The following BAZ1B variants were observed in gnomAD, a reference collection of about 807,000 sequenced individuals.
The protein encoded by BAZ1B is bromodomain adjacent to zinc finger domain 1B.
A neutral mutation model predicts 153.8 loss-of-function variants in BAZ1B; 22 were observed. The ratio of observed to expected loss-of-function variants is 0.14; its 90% confidence interval spans 0.10 to 0.20. The LOEUF is 0.20. Ranked by LOEUF, BAZ1B falls within the 10% of genes least tolerant of loss-of-function variation. The pLI is 1.00. For synonymous variants in BAZ1B, 676 were observed against 633.4 expected (o/e 1.07, Z -1.01); for missense variants, 1,325 against 1,799.3 (o/e 0.74, Z 4.77).
chr7:73,450,935 C>T lies in BAZ1B; in HGVS notation c.3492G>A (p.Arg1164=), dbSNP rs558448410. The change falls in exon 14 of 20, where the codon AGG becomes AGA. Residue 1164 remains arginine, a synonymous_variant. Coordinates refer to ENST00000339594, the MANE Select transcript of BAZ1B (RefSeq NM_032408.4). This position sits in a 1 kb window ranked among gnomAD's most constrained non-coding sequence, Gnocchi z 4.1. The stretch of plus-strand genomic sequence containing the variant: ...CAAGCATCCCAAGCAGCACGTGCAT[C>T]CTGGAGAAAGTCTGAGCTTCCCGGA... The part of the protein sequence containing the change: ...TAIREAQTFS[R]MHVLLGMLDA... The T allele has an allele frequency of 2.5e-6, 4 of 1,614,160 alleles. No homozygotes were observed. The South Asian group carries it at 3.3e-5, about 13-fold the overall frequency.
Position 73,506,881 on chromosome 7 carries a change from C to CT in BAZ1B, c.369+1445dup, listed in dbSNP as rs782216219. Among the ~76,000 whole-genome samples, 332 of 123,248 alleles carry CT rather than the reference C, an allele frequency of 2.7e-3. 2 individuals are homozygous for CT. Among genetic ancestry groups the CT allele is most frequent in the East Asian group, 5.3e-3 (21 of 3,984 alleles). The allele number at this position is 123,248 out of a possible 152,430, so 80.9% of individuals were successfully genotyped here. A position where few individuals can be genotyped will look rare whatever the true frequency, so the allele number is the denominator to read the frequency against. ...AAAAAAAAAAAAAAAGTCTTAAAGT[C>CT]TTTTTTTTTTTTTTTGAGATGGAGT... On this transcript the variant is annotated intron_variant, in intron 3 of 19. Transcript: ENST00000339594.
intron 5 of BAZ1B, among the ~76,000 whole-genome samples, chr7:73,492,441 C>T (rs974243078): frequency 1.3e-5 from 2 of 152,202 alleles, no homozygotes; most frequent in Non-Finnish European, 2.9e-5. Context: ...GGATTACAGG[C>T]GTGAGCCACC....
At chr7:73,463,907 C>T (rs1554570773) in intron 11 of BAZ1B, among the ~76,000 whole-genome samples, 5 of 151,796 alleles carry the variant, frequency 3.3e-5, no homozygotes. Context: ...AGGATTTTGC[C>T]ATGTTGGCCA....
At chr7:73,464,144 CA>C (rs1788492128) in intron 11 of BAZ1B, 1 of 984,830 alleles carries the variant, frequency 1.0e-6, no homozygotes, top group Non-Finnish European at 1.2e-6. Context: ...AAAAGTCTGG[CA>C]ATGGTGTAGA....
chr7:73,473,461 C>A lies in BAZ1B; in HGVS notation c.2594-2978G>T, dbSNP rs577884760. On this transcript the variant is annotated intron_variant, in intron 7 of 19. Transcript: ENST00000339594. ...CCCAGCTACTCAGGAGGCTGAGGCACGAGAATAGCTTGAACCTGGGAGGTG... is the reference window on the plus strand; with the variant it reads ...CCCAGCTACTCAGGAGGCTGAGGCAAGAGAATAGCTTGAACCTGGGAGGTG... 5.3e-5 allele frequency among the ~76,000 whole-genome samples: 8 copies of A among 152,040 alleles called. No homozygotes were observed. In the Middle Eastern group the frequency reaches 0.01, roughly 194 times the overall value.
Position 73,450,762 on chromosome 7 carries a change from A to G in BAZ1B, c.3580+85T>C. The stretch of plus-strand genomic sequence containing the variant: ...CACACTTATATTCTGTGTACACAAA[A>G]TTCTTTTGGGTAGAAATGAAGATCT... On this transcript the variant is annotated intron_variant, in intron 14 of 19. Coordinates refer to ENST00000339594, the MANE Select transcript of BAZ1B (RefSeq NM_032408.4). This position sits in a 1 kb window ranked among gnomAD's most constrained non-coding sequence, Gnocchi z 4.1. The G allele has an allele frequency of 6.6e-7, 1 of 1,505,042 alleles. No homozygotes were observed. Among genetic ancestry groups the G allele is most frequent in the Non-Finnish European group, 9.1e-7 (1 of 1,095,250 alleles). 93.2% of individuals were successfully genotyped at this position (1,505,042 alleles called of 1,614,324 possible).
At chr7:73,470,573 G>C (rs1376258609) in intron 7 of BAZ1B, 90 bp from the exon 8 acceptor site, 3 of 1,407,744 alleles carry the variant, frequency 2.1e-6, no homozygotes, top group Non-Finnish European at 2.9e-6. Context: ...AAAGTGCCTA[G>C]TATACAGTAG....
At position 73,498,677 on chromosome 7, in the gene BAZ1B, T is replaced by G; in HGVS notation, c.391A>C (p.Lys131Gln). Residue 131 changes from lysine to glutamine, a missense_variant, in exon 4 of 20, where the codon AAG becomes CAG. Around this residue, in one of 9 missense-constraint regions of BAZ1B, gnomAD observed 153 missense variants for 204.8 expected, o/e 0.75. Coordinates refer to ENST00000339594, the MANE Select transcript of BAZ1B (RefSeq NM_032408.4). ...GGATGAATCTTCACAATCTTCACCTTGAGCATTTTCTCCTTCCCAACCTAT... is the reference window on the plus strand; with the variant it reads ...GGATGAATCTTCACAATCTTCACCTGGAGCATTTTCTCCTTCCCAACCTAT... ...DFEVGKEKML[K>Q]VKIVKIHPLE... 4 of 1,614,080 alleles carry G rather than the reference T, an allele frequency of 2.5e-6. No homozygotes were observed. The highest frequency in any genetic ancestry group is 3.4e-6 in the Non-Finnish European group (4 of 1,180,020).
intron 7 of BAZ1B, among the ~76,000 whole-genome samples, chr7:73,476,047 A>C (rs1392306711): frequency 1.3e-5 from 2 of 152,166 alleles, no homozygotes; most frequent in Non-Finnish European, 2.9e-5. Flanking sequence ...ACATTATGCT[A>C]AGTGAAAGTC....
intron 1 of BAZ1B, among the ~76,000 whole-genome samples, chr7:73,518,614 G>A (rs1299629811): frequency 1.3e-5 from 2 of 152,068 alleles, no homozygotes; most frequent in Admixed American, 6.6e-5. Context: ...GCTGAGGCAG[G>A]AGGATCTCTT....
intron 19 of BAZ1B, chr7:73,441,977 G>A (rs1238414350): frequency 3.5e-6 from 2 of 566,108 alleles, no homozygotes; most frequent in Non-Finnish European, 6.3e-6. Flanking sequence ...AGAAGGGAGG[G>A]TTATGGCCCT....
chr7:73,453,484 A>C lies in BAZ1B; in HGVS notation c.3433-2490T>G, dbSNP rs79534533. Among the ~76,000 whole-genome samples, 51 of 152,366 alleles carry C rather than the reference A, an allele frequency of 3.3e-4. No individual in the cohort carries two copies. The East Asian group carries it at 9.1e-3, about 27-fold the overall frequency. ...GAGAAGGAAGCACTGTTGCAGGAAAAGAAATGGAAAGGACAGACGTGACTC... is the reference window on the plus strand; with the variant it reads ...GAGAAGGAAGCACTGTTGCAGGAAACGAAATGGAAAGGACAGACGTGACTC... On this transcript the variant is annotated intron_variant, in intron 13 of 19. Coordinates refer to ENST00000339594, the MANE Select transcript of BAZ1B (RefSeq NM_032408.4).
chr7:73,446,546 C>CAA (rs1175189600), intron 16 of BAZ1B, among the ~76,000 whole-genome samples: 3,275 of 40,174 alleles, frequency 0.082, 143 homozygotes, highest in Non-Finnish European at 0.13. Flanking sequence ...GAGACCATCT[C>CAA]AAAAAAAAAA....
chr7:73,449,438 A>T, intron 15 of BAZ1B, 104 bp downstream of exon 15: 1 of 1,352,538 alleles, frequency 7.4e-7, no homozygotes, highest in Non-Finnish European at 9.8e-7. Flanking sequence ...CCAAAAGATG[A>T]ACTTAAAGCT....
intron 1 of BAZ1B, among the ~76,000 whole-genome samples, chr7:73,519,157 C>G (rs545750270): frequency 6.6e-6 from 1 of 152,168 alleles, no homozygotes; most frequent in African/African-American, 2.4e-5. Flanking sequence ...TCACAATATA[C>G]TCCAAGAACA....
At chr7:73,496,593 G>A (rs1267395096) in intron 4 of BAZ1B, among the ~76,000 whole-genome samples, 7 of 152,158 alleles carry the variant, frequency 4.6e-5, no homozygotes, top group Non-Finnish European at 1.0e-4. Flanking sequence ...ATCAAGTCCA[G>A]TCAAATTCTT....
chr7:73,455,380 T>C (rs1788158311), intron 13 of BAZ1B, among the ~76,000 whole-genome samples: 1 of 152,236 alleles, frequency 6.6e-6, no homozygotes, highest in Admixed American at 6.5e-5. Context: ...CAAATTCTTT[T>C]CTTCACAAGT....
chr7:73,466,872 T>A (rs1554571243), intron 9 of BAZ1B, among the ~76,000 whole-genome samples: 1 of 152,194 alleles, frequency 6.6e-6, no homozygotes, highest in African/African-American at 2.4e-5. Context: ...AACATAGATA[T>A]ATCTTGAGCC....
At chr7:73,459,765 A>G in intron 12 of BAZ1B, 47 bp from the exon 13 acceptor site, 1 of 1,507,372 alleles carries the variant, frequency 6.6e-7, no homozygotes, top group Non-Finnish European at 9.0e-7. Context: ...GCCCAGAGGA[A>G]GACGAAAGGA....
Sources: gnomAD v4.1 joint callset for allele counts (sites outside exome capture counted in the v4.1 genomes callset) on GRCh38, gnomAD v4.1.1 for gene constraint, gnomAD v4.1.1 regional missense constraint, Gnocchi (gnomAD v3.1) non-coding constraint, MANE v1.5 for transcripts, NCBI Gene and HGNC (gene_info 2026-07-23, HGNC 2026-07-21) for gene names.